The following SAMD4B variants were observed in gnomAD, a reference collection of about 807,000 sequenced individuals.
SAMD4B encodes sterile alpha motif domain containing 4B, also known as protein Smaug homolog 2.
SAMD4B carries 5 observed loss-of-function variants against 74.5 expected under a neutral mutation model. That is an observed-to-expected ratio of 0.07 (90% CI 0.04 to 0.14). SAMD4B has a LOEUF of 0.14. Ranked by LOEUF, SAMD4B falls within the 10% of genes least tolerant of loss-of-function variation. SAMD4B has a pLI of 1.00. For missense variants in SAMD4B, 608 were observed against 921.8 expected (o/e 0.66, Z 4.41); for synonymous variants, 373 against 374.9 (o/e 1.00, Z 0.06).
chr19:39,378,636 TG>T lies in SAMD4B; in HGVS notation c.1530+49del, dbSNP rs780699789. 1.9e-6 allele frequency: 3 copies of T among 1,566,686 alleles called. No individual in the cohort carries two copies. Among genetic ancestry groups the T allele is most frequent in the Non-Finnish European group, 2.6e-6 (3 of 1,138,792 alleles). On this transcript the variant is annotated intron_variant, in intron 9 of 13. Coordinates refer to ENST00000610417, the MANE Select transcript of SAMD4B (RefSeq NM_001384574.2). The surrounding 1 kb of genome is among the most constrained non-coding windows in gnomAD (Gnocchi z 4.4). The stretch of plus-strand genomic sequence containing the variant: ...TCAAAAAGGGAAAGGCGGCCAGGCG[TG>T]GTGGTTCACGCCTGTAGTCCCAGCA...
chr19:39,375,937 A>G lies in SAMD4B; in HGVS notation c.907+48A>G, dbSNP rs751762060. The G allele has an allele frequency of 6.9e-6, 11 of 1,585,828 alleles. No homozygotes were observed. In the Middle Eastern group the frequency reaches 5.4e-4, roughly 78 times the overall value. On this transcript the variant is annotated intron_variant, in intron 5 of 13. Coordinates refer to ENST00000610417, the MANE Select transcript of SAMD4B (RefSeq NM_001384574.2). This position sits in a 1 kb window ranked among gnomAD's most constrained non-coding sequence, Gnocchi z 4.1. ...AGGACCCTTTTCCAGGGGCTTCTGC[A>G]GAGCTTAGAGGACAGAAAGGAGCTT...
At chr19:39,351,913 AC>A (rs896548738) in intron 1 of SAMD4B, 1 of 152,234 alleles carries the variant, frequency 6.6e-6, no homozygotes, top group African/African-American at 2.4e-5. Context: ...TCCAAGGGGA[AC>A]CCAGGGTGTT....
Position 39,369,967 on chromosome 19 carries a change from A to G in SAMD4B, c.509A>G (p.Gln170Arg), listed in dbSNP as rs2077187789. 3.1e-6 allele frequency: 5 copies of G among 1,613,792 alleles called. No individual in the cohort carries two copies. Among genetic ancestry groups the G allele is most frequent in the South Asian group, 1.1e-5 (1 of 91,016 alleles). Residue 170 changes from glutamine to arginine, a missense_variant, in exon 4 of 14, where the codon CAA becomes CGA. Transcript: ENST00000610417. Reference sequence around the variant, plus strand: ...CCAGAGCCCTCCTACCATTCACGTCAAGGCTCAGATGAGTGGGGGGGCCCT... The same window carrying G: ...CCAGAGCCCTCCTACCATTCACGTCGAGGCTCAGATGAGTGGGGGGGCCCT... ...SRPEPSYHSR[Q>R]GSDEWGGPAE...
chr19:39,362,111 A>T (rs1453369821), intron 3 of SAMD4B, among the ~76,000 whole-genome samples: 1 of 152,148 alleles, frequency 6.6e-6, no homozygotes, highest in African/African-American at 2.4e-5. Context: ...AGAGCTGCCC[A>T]GTTGTCTGCT....
intron 4 of SAMD4B, among the ~76,000 whole-genome samples, chr19:39,373,991 G>A (rs1472995039): frequency 6.6e-6 from 1 of 150,668 alleles, no homozygotes; most frequent in Non-Finnish European, 1.5e-5. Flanking sequence ...ATATGACCAG[G>A]CACAGGTGGC....
chr19:39,389,966 T>A, downstream of SAMD4B: 2 of 1,074,134 alleles, frequency 1.9e-6, no homozygotes, highest in South Asian at 2.7e-5. This position sits in a 1 kb window ranked among gnomAD's most constrained non-coding sequence, Gnocchi z 5.3. Context: ...TGTGCTAGGG[T>A]AGGTACTGTG....
At chr19:39,371,777 A>G (rs951206724) in intron 4 of SAMD4B, among the ~76,000 whole-genome samples, 1 of 151,752 alleles carries the variant, frequency 6.6e-6, no homozygotes, top group East Asian at 1.9e-4. Context: ...AGATCTTGCC[A>G]TTGCATTCCA....
downstream of SAMD4B, chr19:39,390,065 T>C: frequency 1.2e-6 from 2 of 1,609,388 alleles, no homozygotes. Context: ...TTCCTTAGTC[T>C]CACCTGTTCT....
intron 1 of SAMD4B, among the ~76,000 whole-genome samples, chr19:39,344,052 T>C (rs888173370): frequency 4.8e-5 from 7 of 145,374 alleles, no homozygotes; most frequent in African/African-American, 1.7e-4. Flanking sequence ...TGACGTATGT[T>C]CTTGAAATCC....
At chr19:39,374,331 T>G (rs972094716) in intron 4 of SAMD4B, among the ~76,000 whole-genome samples, 1 of 152,006 alleles carries the variant, frequency 6.6e-6, no homozygotes, top group Non-Finnish European at 1.5e-5. Flanking sequence ...GTATGGAGCA[T>G]CCTTCAGAAG....
chr19:39,371,977 C>G (rs1257207548), intron 4 of SAMD4B, among the ~76,000 whole-genome samples: 1 of 152,196 alleles, frequency 6.6e-6, no homozygotes, highest in Non-Finnish European at 1.5e-5. Context: ...AAAAGTACCT[C>G]TCCTGGAGAT....
At position 39,342,834 on chromosome 19, in the gene SAMD4B, G is replaced by C. The variant is rs2075390047; in HGVS notation, c.-267+258G>C. Among the ~76,000 whole-genome samples the C allele has an allele frequency of 4.6e-5, 7 of 151,358 alleles. No individual in the cohort carries two copies. The South Asian group carries it at 1.5e-3, about 31-fold the overall frequency. ...TCTTTCTCATGCCCTCGGGATTGCC[G>C]AGGGGCCGGGCCGGGGGCCTCTCCT... On this transcript the variant is annotated intron_variant, in intron 1 of 13. Transcript: ENST00000610417.
At chr19:39,343,491 ATC>A (rs1448320819) in intron 1 of SAMD4B, among the ~76,000 whole-genome samples, 1 of 131,066 alleles carries the variant, frequency 7.6e-6, no homozygotes, top group South Asian at 2.7e-4. Flanking sequence ...TATTGCAACC[ATC>A]TCTCATACAC....
At chr19:39,386,690 T>G, downstream of SAMD4B, 1 of 1,611,614 alleles carries the variant, frequency 6.2e-7, no homozygotes, top group Non-Finnish European at 8.5e-7. The surrounding 1 kb of genome is among the most constrained non-coding windows in gnomAD (Gnocchi z 6.1). Context: ...GTGGTGCTTG[T>G]TACCTGAGCT....
rs1568365292 is a variant in SAMD4B at position 39,378,994 on chromosome 19, C to T, written c.1530+405C>T. The stretch of plus-strand genomic sequence containing the variant: ...CCAGCCCTTCCAGTCTTGTATCTTA[C>T]CAGTGTTGGCTTTAGAGGCTTCTTC... On this transcript the variant is annotated intron_variant, in intron 9 of 13. Coordinates refer to ENST00000610417, the MANE Select transcript of SAMD4B (RefSeq NM_001384574.2). This position sits in a 1 kb window ranked among gnomAD's most constrained non-coding sequence, Gnocchi z 4.4. 6.6e-6 allele frequency among the ~76,000 whole-genome samples: 1 copy of T among 152,130 alleles called. No homozygotes were observed. Among genetic ancestry groups the T allele is most frequent in the Non-Finnish European group, 1.5e-5 (1 of 68,030 alleles).
At position 39,383,112 on chromosome 19, in the gene SAMD4B, T is replaced by C; in HGVS notation, c.1973-96T>C. On this transcript the variant is annotated intron_variant, in intron 12 of 13. Coordinates refer to ENST00000610417, the MANE Select transcript of SAMD4B (RefSeq NM_001384574.2). This position sits in a 1 kb window ranked among gnomAD's most constrained non-coding sequence, Gnocchi z 4.1. The stretch of plus-strand genomic sequence containing the variant: ...CTTCCCTCTCCCCCTCCATCTCTCT[T>C]GCTCCCTTCCCATACCAGCATCCTT... The C allele has an allele frequency of 1.0e-6, 1 of 973,702 alleles. No individual in the cohort carries two copies. The highest frequency in any genetic ancestry group is 1.3e-5 in the South Asian group (1 of 77,812). The allele number at this position is 973,702 out of a possible 1,614,324, so 60.3% of individuals were successfully genotyped here.
chr19:39,370,414 C>T (rs1487715497), intron 4 of SAMD4B, among the ~76,000 whole-genome samples: 1 of 152,096 alleles, frequency 6.6e-6, no homozygotes, highest in Non-Finnish European at 1.5e-5. Context: ...ATGAGATTTC[C>T]AGCCTTTCTT....
At position 39,356,727 on chromosome 19, in the gene SAMD4B, A is replaced by G. The variant is rs1288584177; in HGVS notation, c.-167A>G. The G allele has an allele frequency of 1.7e-5, 10 of 571,690 alleles. No individual in the cohort carries two copies. Among genetic ancestry groups the G allele is most frequent in the Non-Finnish European group, 2.5e-5 (8 of 324,220 alleles). The allele number at this position is 571,690 out of a possible 1,614,324, so 35.4% of individuals were successfully genotyped here. On this transcript the variant is annotated 5_prime_UTR_variant, in exon 3 of 14. The change abolishes an upstream ATG in the 5' untranslated region. Transcript: ENST00000610417. Reference sequence around the variant, plus strand: ...CGTGGCTGGACCAAGACCTCCCCCCATGTGAGCAGGCTTCCTCCTCCCCCA... The same window carrying G: ...CGTGGCTGGACCAAGACCTCCCCCCGTGTGAGCAGGCTTCCTCCTCCCCCA...
chr19:39,348,127 C>T (rs578140567), intron 1 of SAMD4B, among the ~76,000 whole-genome samples: 3 of 152,244 alleles, frequency 2.0e-5, no homozygotes, highest in African/African-American at 7.2e-5. Flanking sequence ...ACATTCTAAT[C>T]TAAGCATTGT....
Sources: gnomAD v4.1 joint callset for allele counts (sites outside exome capture counted in the v4.1 genomes callset) on GRCh38, gnomAD v4.1.1 for gene constraint, Gnocchi (gnomAD v3.1) non-coding constraint, MANE v1.5 for transcripts, NCBI Gene and HGNC (gene_info 2026-07-23, HGNC 2026-07-21) for gene names.